Variants in NKAIN2 observed in about 807,000 individuals in gnomAD.
The protein encoded by NKAIN2 is sodium/potassium transporting ATPase interacting 2, also known as sodium/potassium-transporting ATPase subunit beta-1-interacting protein 2.
In NKAIN2, 14 loss-of-function variants were observed where a neutral mutation model predicts 32.6. That is an observed-to-expected ratio of 0.43 (90% CI 0.28 to 0.67). The LOEUF is 0.67. Among genes scored for constraint, NKAIN2 ranks in the 30% least tolerant of loss-of-function variants. The probability of loss-of-function intolerance (pLI) is 0.17; values close to 1 mark genes in which losing one functional copy is unlikely to be tolerated. For missense variants in NKAIN2, 198 were observed against 258.3 expected (o/e 0.77, Z 1.60); for synonymous variants, 80 against 87.2 (o/e 0.92, Z 0.46).
intron 1 of NKAIN2, among the ~76,000 whole-genome samples, chr6:124,036,210 A>G (rs1781598535): frequency 1.3e-5 from 2 of 152,140 alleles, no homozygotes; most frequent in Admixed American, 6.6e-5. Flanking sequence ...AAAAAATCTT[A>G]GAGTATGGTT....
At chr6:123,927,856 G>A (rs1776073760) in intron 1 of NKAIN2, among the ~76,000 whole-genome samples, 1 of 152,188 alleles carries the variant, frequency 6.6e-6, no homozygotes, top group Non-Finnish European at 1.5e-5. Flanking sequence ...GTAACTTGCA[G>A]ATGTAACTTC....
intron 2 of NKAIN2, among the ~76,000 whole-genome samples, chr6:124,343,671 T>C (rs1362062386): frequency 6.7e-6 from 1 of 149,400 alleles, no homozygotes; most frequent in East Asian, 2.0e-4. Context: ...CACTTTTTGA[T>C]GGGGTTGTTT....
At chr6:124,467,831 T>A (rs1776823954) in intron 3 of NKAIN2, among the ~76,000 whole-genome samples, 1 of 152,116 alleles carries the variant, frequency 6.6e-6, no homozygotes, top group African/African-American at 2.4e-5. Context: ...TTATTATAAA[T>A]TTAATTGATC....
chr6:124,462,815 T>C (rs934774743), intron 3 of NKAIN2, among the ~76,000 whole-genome samples: 2 of 152,102 alleles, frequency 1.3e-5, no homozygotes, highest in African/African-American at 4.8e-5. Flanking sequence ...AGAGAAAATA[T>C]AGAATGTGAA....
chr6:124,470,566 A>T (rs1342889377), intron 3 of NKAIN2, among the ~76,000 whole-genome samples: 2 of 152,216 alleles, frequency 1.3e-5, no homozygotes, highest in Non-Finnish European at 2.9e-5. Flanking sequence ...ACACATGCAC[A>T]CACACATACA....
intron 4 of NKAIN2, among the ~76,000 whole-genome samples, chr6:124,718,052 G>A (rs536368955): frequency 1.3e-5 from 2 of 152,208 alleles, no homozygotes; most frequent in Admixed American, 6.5e-5. Context: ...GTCATTGCAC[G>A]TTGTCTTTTT....
At chr6:124,282,266 A>C (rs1038793057) in intron 1 of NKAIN2, 43 of 363,958 alleles carry the variant, frequency 1.2e-4, no homozygotes, top group Non-Finnish European at 2.1e-4. Context: ...AAATCGACTT[A>C]AGTGTCTTGC....
In NKAIN2 at chr6:124,210,707, AT is replaced by A. The variant is rs902719592; in HGVS notation, c.55-72290del. Among the ~76,000 whole-genome samples the A allele has an allele frequency of 1.1e-3, 172 of 149,742 alleles. 1 individual carries two copies. Among genetic ancestry groups the A allele is most frequent in the African/African-American group, 4.1e-3 (165 of 40,622 alleles). On this transcript the variant is annotated intron_variant, in intron 1 of 6. Transcript: ENST00000368417. The stretch of plus-strand genomic sequence containing the variant: ...TATTGTAAATGAGATTAGTTTCTTG[AT>A]TTTTTTTGTTTGTTTGTTTTTTGTT...
At chr6:124,758,201 G>A (rs1171414438) in intron 4 of NKAIN2, among the ~76,000 whole-genome samples, 1 of 151,986 alleles carries the variant, frequency 6.6e-6, no homozygotes, top group Non-Finnish European at 1.5e-5. Context: ...CTGCACACTT[G>A]CCTCCCCCTT....
intron 3 of NKAIN2, among the ~76,000 whole-genome samples, chr6:124,587,079 G>A (rs1054666257): frequency 6.6e-6 from 1 of 152,166 alleles, no homozygotes; most frequent in Non-Finnish European, 1.5e-5. Context: ...GAGAATAATG[G>A]AACTCTTCTA....
intron 1 of NKAIN2, among the ~76,000 whole-genome samples, chr6:124,219,221 T>C (rs574489739): frequency 7.4e-4 from 113 of 152,160 alleles, no homozygotes; most frequent in Admixed American, 1.4e-3. Flanking sequence ...ATTAGGACAA[T>C]TTATTTATTA....
intron 4 of NKAIN2, among the ~76,000 whole-genome samples, chr6:124,689,436 TCA>T (rs1396434873): frequency 2.0e-5 from 3 of 152,154 alleles, no homozygotes; most frequent in East Asian, 1.9e-4. Context: ...ACAGTATTTT[TCA>T]CAGAGCACAA....
intron 1 of NKAIN2, among the ~76,000 whole-genome samples, chr6:124,226,051 G>T (rs1050349292): frequency 6.6e-6 from 1 of 152,012 alleles, no homozygotes; most frequent in Non-Finnish European, 1.5e-5. Context: ...TCATTGAAAA[G>T]ATCAAAGCCT....
At position 124,692,183 on chromosome 6, in the gene NKAIN2, A is replaced by G. The variant is rs181035084; in HGVS notation, c.474+33797A>G. Among the ~76,000 whole-genome samples, 81 of 152,348 alleles carry G rather than the reference A, an allele frequency of 5.3e-4. 1 individual carries two copies. The highest frequency in any genetic ancestry group is 3.4e-3 in the Middle Eastern group (1 of 294). ...ACTCATAAGCTGTAATTCACAATGC[A>G]TCAGAAAAGAAATATTCCACTACTA... On this transcript the variant is annotated intron_variant, in intron 4 of 6. Coordinates refer to ENST00000368417, the MANE Select transcript of NKAIN2 (RefSeq NM_001040214.3).
chr6:123,923,847 C>T (rs1004265662), intron 1 of NKAIN2, among the ~76,000 whole-genome samples: 2 of 147,982 alleles, frequency 1.4e-5, no homozygotes, highest in Non-Finnish European at 3.0e-5. Flanking sequence ...TGCTAGATGA[C>T]GAGTTAGTGG....
At chr6:123,921,076 TAA>T (rs1562258709) in intron 1 of NKAIN2, among the ~76,000 whole-genome samples, 1 of 152,126 alleles carries the variant, frequency 6.6e-6, no homozygotes, top group African/African-American at 2.4e-5. Flanking sequence ...ACAATGGAAA[TAA>T]GAGTGGAATA....
intron 3 of NKAIN2, among the ~76,000 whole-genome samples, chr6:124,560,625 G>C (rs934341706): frequency 4.6e-5 from 7 of 152,126 alleles, no homozygotes; most frequent in African/African-American, 1.7e-4. Flanking sequence ...AGGCTACCCT[G>C]TATGTATACT....
intron 1 of NKAIN2, chr6:124,122,065 G>T (rs1785911702): frequency 5.0e-6 from 1 of 201,526 alleles, no homozygotes; most frequent in East Asian, 1.4e-4. Context: ...CCAGAAAAAA[G>T]TTTTATTTTA....
intron 1 of NKAIN2, among the ~76,000 whole-genome samples, chr6:124,274,879 C>T (rs1009624265): frequency 6.6e-5 from 10 of 151,972 alleles, no homozygotes; most frequent in South Asian, 4.2e-4. Context: ...TAACTCTTTG[C>T]GATTAGGCAT....
Sources: allele counts gnomAD v4.1 joint callset (sites outside exome capture counted in the v4.1 genomes callset), GRCh38; gene constraint gnomAD v4.1.1; transcripts MANE v1.5; gene names NCBI Gene and HGNC (gene_info 2026-07-23, HGNC 2026-07-21).